Variants in AKAP6 observed in about 807,000 individuals in gnomAD.
AKAP6 encodes A-kinase anchor protein 6.
Under a neutral mutation model 188.5 loss-of-function variants are expected in AKAP6, and 58 were observed. The ratio of observed to expected loss-of-function variants is 0.31; its 90% CI spans 0.25 to 0.38. The LOEUF is 0.38. Ranked by LOEUF, AKAP6 falls within the 10% of genes least tolerant of loss-of-function variation. AKAP6 has a pLI of 1.00. For synonymous variants in AKAP6, 989 were observed against 998.6 expected, an observed-to-expected ratio of 0.99 and a Z score of 0.18; for missense variants, 2,710 against 2,740.0, an observed-to-expected ratio of 0.99 and a Z score of 0.24.
intron 2 of AKAP6, among the ~76,000 whole-genome samples, chr14:32,447,687 A>G (rs542090537): frequency 1.2e-4 from 18 of 152,302 alleles, no homozygotes; most frequent in African/African-American, 3.6e-4. Flanking sequence ...TATTAATTCA[A>G]CTCTTCAAAA....
intron 7 of AKAP6, among the ~76,000 whole-genome samples, chr14:32,627,298 G>C (rs1463887712): frequency 6.6e-6 from 1 of 152,030 alleles, no homozygotes; most frequent in African/African-American, 2.4e-5. Context: ...CTTTGAATTG[G>C]GGTATCTCAT....
intron 7 of AKAP6, among the ~76,000 whole-genome samples, chr14:32,676,167 G>A (rs1429214713): frequency 6.6e-6 from 1 of 152,108 alleles, no homozygotes; most frequent in African/African-American, 2.4e-5. Flanking sequence ...GTTAAACTTT[G>A]TGGCTTTGCA....
At chr14:32,404,710 ATT>A (rs1491468845) in intron 1 of AKAP6, among the ~76,000 whole-genome samples, 1 of 136,040 alleles carries the variant, frequency 7.4e-6, no homozygotes, top group Admixed American at 7.4e-5. Flanking sequence ...ATATATATAT[ATT>A]AGTCAGAATG....
At chr14:32,669,312 A>G (rs1889078997) in intron 7 of AKAP6, among the ~76,000 whole-genome samples, 1 of 152,230 alleles carries the variant, frequency 6.6e-6, no homozygotes, top group South Asian at 2.1e-4. Context: ...GCATCCATGC[A>G]GGACTAGAAG....
chr14:32,562,144 A>T (rs1883984403), intron 4 of AKAP6, among the ~76,000 whole-genome samples: 1 of 152,062 alleles, frequency 6.6e-6, no homozygotes, highest in Non-Finnish European at 1.5e-5. Flanking sequence ...TAGGAAGCCC[A>T]GTGGCTTTAC....
chr14:32,359,208 G>T (rs1307318113), intron 1 of AKAP6, among the ~76,000 whole-genome samples: 4 of 152,144 alleles, frequency 2.6e-5, no homozygotes, highest in Non-Finnish European at 5.9e-5. Context: ...GGGAAGTACA[G>T]GATGAAGAGC....
intron 8 of AKAP6, among the ~76,000 whole-genome samples, chr14:32,693,935 T>C (rs761900397): frequency 6.6e-6 from 1 of 152,226 alleles, no homozygotes; most frequent in Non-Finnish European, 1.5e-5. Flanking sequence ...ACAGAGTCAA[T>C]AAAGAAAACC....
intron 7 of AKAP6, among the ~76,000 whole-genome samples, chr14:32,650,786 G>T (rs1888189701): frequency 6.6e-6 from 1 of 152,070 alleles, no homozygotes; most frequent in Non-Finnish European, 1.5e-5. Flanking sequence ...CGTTTACCTA[G>T]ACTATGCATA....
At chr14:32,410,160 T>TG in intron 1 of AKAP6, among the ~76,000 whole-genome samples, 1 of 152,146 alleles carries the variant, frequency 6.6e-6, no homozygotes, top group Non-Finnish European at 1.5e-5. Context: ...CCTTTTTTTT[T>TG]CTTTGCAGAT....
chr14:32,536,890 G>T (rs1882705722), intron 3 of AKAP6, among the ~76,000 whole-genome samples: 1 of 152,164 alleles, frequency 6.6e-6, no homozygotes, highest in African/African-American at 2.4e-5. Context: ...TGGTGGGTGT[G>T]TACGCGCAGG....
chr14:32,754,145 G>A (rs576041741), intron 11 of AKAP6, among the ~76,000 whole-genome samples: 26 of 151,882 alleles, frequency 1.7e-4, no homozygotes, highest in African/African-American at 5.1e-4. Context: ...TTCTCTCTTC[G>A]TTTCTGTCAA....
At chr14:32,654,210 A>G (rs1307946908) in intron 7 of AKAP6, among the ~76,000 whole-genome samples, 1 of 152,108 alleles carries the variant, frequency 6.6e-6, no homozygotes, top group Admixed American at 6.6e-5. Context: ...GTTGTTTGCA[A>G]CTGGCTGGGG....
chr14:32,426,861 G>A (rs11156744), intron 1 of AKAP6, among the ~76,000 whole-genome samples: 42,120 of 152,004 alleles, frequency 0.28, 6,640 homozygotes, highest in Middle Eastern at 0.44. Context: ...AGAGGGGTAG[G>A]AGGAAGGTTT....
At chr14:32,562,320 G>A (rs941016760) in intron 4 of AKAP6, among the ~76,000 whole-genome samples, 2 of 152,092 alleles carry the variant, frequency 1.3e-5, no homozygotes, top group Admixed American at 1.3e-4. Flanking sequence ...GTGTGGGTGG[G>A]GAGGGAGTCA....
chr14:32,600,621 T>G lies in AKAP6; in HGVS notation c.2567-8T>G. 1 of 1,597,442 alleles carries G rather than the reference T, an allele frequency of 6.3e-7. No homozygotes were observed. Among genetic ancestry groups the G allele is most frequent in the Non-Finnish European group, 8.5e-7 (1 of 1,171,016 alleles). On this transcript the variant is annotated splice_region_variant and splice_polypyrimidine_tract_variant and intron_variant, in intron 6 of 13. Coordinates refer to ENST00000280979, the MANE Select transcript of AKAP6 (RefSeq NM_004274.5). ...CACAACTTCTGCTTTCCCCTCCTTT[T>G]GGAGAAGGACTGAAGGACATGCTGC...
chr14:32,566,891 A>C (rs375827178), intron 4 of AKAP6, among the ~76,000 whole-genome samples: 2 of 152,094 alleles, frequency 1.3e-5, no homozygotes, highest in African/African-American at 4.8e-5. Flanking sequence ...TGGCTCAGCT[A>C]CCTACTGGTG....
rs1473191264 is a variant in AKAP6, at chr14:32,553,074, A to T, written c.2346+6075A>T. 1.3e-5 allele frequency among the ~76,000 whole-genome samples: 2 copies of T among 152,164 alleles called. 1 individual carries two copies. The highest frequency in any genetic ancestry group is 4.8e-5 in the African/African-American group (2 of 41,442). ...ATAGAATCTCCAGTAGGTTCCTGTC[A>T]GTCCCCACCCCTCACATTTGTATCT... On this transcript the variant is annotated intron_variant, in intron 4 of 13. Coordinates refer to ENST00000280979, the MANE Select transcript of AKAP6 (RefSeq NM_004274.5).
chr14:32,398,323 A>T (rs1214625302), intron 1 of AKAP6, among the ~76,000 whole-genome samples: 1 of 152,160 alleles, frequency 6.6e-6, no homozygotes, highest in Non-Finnish European at 1.5e-5. Flanking sequence ...TGCTTCCTCT[A>T]AGCCTCTGTT....
intron 8 of AKAP6, among the ~76,000 whole-genome samples, chr14:32,693,159 G>A (rs1013403158): frequency 6.6e-6 from 1 of 152,152 alleles, no homozygotes; most frequent in Non-Finnish European, 1.5e-5. Flanking sequence ...AATGGGTCTT[G>A]TCAAGGATAT....
Sources: gnomAD v4.1 joint callset for allele counts (sites outside exome capture counted in the v4.1 genomes callset) on GRCh38, gnomAD v4.1.1 for gene constraint, MANE v1.5 for transcripts, NCBI Gene and HGNC (gene_info 2026-07-23, HGNC 2026-07-21) for gene names.